MCPH1: variants seen among roughly 807,000 people sequenced by gnomAD.
MCPH1 encodes microcephalin 1.
Under a neutral mutation model 84.5 loss-of-function variants are expected in MCPH1, and 104 were observed. The observed-to-expected ratio is 1.23, with a 90% CI of 1.05 to 1.45. The LOEUF (loss-of-function observed/expected upper bound fraction) is 1.45. MCPH1 is among the 40% of genes most tolerant of loss of function. The pLI, the probability that MCPH1 is intolerant of heterozygous loss-of-function variation, is 0.00. For missense variants in MCPH1, 1,498 were observed against 1,005.7 expected, an observed-to-expected ratio of 1.49 and a Z score of -6.62; for synonymous variants, 514 against 366.8, an observed-to-expected ratio of 1.40 and a Z score of -4.58.
At chr8:6,448,539 G>C (rs1387103079) in intron 8 of MCPH1, among the ~76,000 whole-genome samples, 1 of 152,166 alleles carries the variant, frequency 6.6e-6, no homozygotes, top group East Asian at 1.9e-4. Context: ...ATGTAACCAT[G>C]GTCACTGAAG....
At position 6,445,744 on chromosome 8, in the gene MCPH1, C is replaced by G. The variant is rs187245785; in HGVS notation, c.1825+197C>G. On this transcript the variant is annotated intron_variant, in intron 8 of 13. Transcript: ENST00000344683. ...CTTGCTGTCTTGTGGAACTTCTAGA[C>G]TTATTGGTTAAGTCTGTTAGGAATC... 1.1e-5 allele frequency: 15 copies of G among 1,381,580 alleles called. No individual in the cohort carries two copies. The African/African-American group carries it at 1.6e-4, about 15-fold the overall frequency. The allele number at this position is 1,381,580 out of a possible 1,614,324, so 85.6% of individuals were successfully genotyped here. A position where few individuals can be genotyped will look rare whatever the true frequency, so the allele number is the denominator to read the frequency against.
chr8:6,428,735 A>G (rs988662354), intron 3 of MCPH1, among the ~76,000 whole-genome samples: 1 of 147,406 alleles, frequency 6.8e-6, no homozygotes, highest in African/African-American at 2.6e-5. Flanking sequence ...TTGTATGGAC[A>G]CGTGCGCACG....
At position 6,647,510 on chromosome 8, in the gene MCPH1, A is replaced by T. The variant is rs1267585578; in HGVS notation, c.*4461A>T. Reference sequence around the variant, plus strand: ...AGCAACATTATTCATAATAACCAAAAATTAGCCCATCAACTGAAAAGTAGA... The same window carrying T: ...AGCAACATTATTCATAATAACCAAATATTAGCCCATCAACTGAAAAGTAGA... On this transcript the variant is annotated 3_prime_UTR_variant, in exon 14 of 14. Coordinates refer to ENST00000344683, the MANE Select transcript of MCPH1 (RefSeq NM_024596.5). The T allele has an allele frequency of 6.6e-6, 1 of 152,212 alleles. No individual in the cohort carries two copies. Among genetic ancestry groups the T allele is most frequent in the East Asian group, 1.9e-4 (1 of 5,202 alleles). 9.4% of individuals were successfully genotyped at this position (152,212 alleles called of 1,614,324 possible). A position where few individuals can be genotyped will look rare whatever the true frequency, so the allele number is the denominator to read the frequency against.
chr8:6,549,280 A>G (rs1006991274), intron 12 of MCPH1, among the ~76,000 whole-genome samples: 2 of 152,270 alleles, frequency 1.3e-5, no homozygotes, highest in Non-Finnish European at 2.9e-5. Context: ...ACGGTGATGG[A>G]AAAGAAGAAA....
At chr8:6,576,728 A>T (rs1451337001) in intron 12 of MCPH1, among the ~76,000 whole-genome samples, 83 of 46,518 alleles carry the variant, frequency 1.8e-3, no homozygotes, top group Admixed American at 2.2e-3. Context: ...TTTTTTTTTT[A>T]GTAGAGATGG....
chr8:6,407,174 G>A (rs1045966435), intron 1 of MCPH1: 1 of 215,576 alleles, frequency 4.6e-6, no homozygotes, highest in Non-Finnish European at 9.4e-6. Context: ...GCCCTCCTGG[G>A]TCTGGTCCTG....
At chr8:6,544,103 A>C (rs1259222155) in intron 12 of MCPH1, among the ~76,000 whole-genome samples, 1 of 152,252 alleles carries the variant, frequency 6.6e-6, no homozygotes, top group South Asian at 2.1e-4. Flanking sequence ...GAATAGTATA[A>C]CTTTTTGTTT....
chr8:6,619,633 G>A (rs894264283), intron 12 of MCPH1, among the ~76,000 whole-genome samples: 9 of 151,704 alleles, frequency 5.9e-5, no homozygotes, highest in African/African-American at 2.2e-4. Context: ...TGCCCAGGCT[G>A]GAGTGCAGTG....
chr8:6,570,803 G>GTTTTTTTTT (rs10548398), intron 12 of MCPH1, among the ~76,000 whole-genome samples: 2 of 108,714 alleles, frequency 1.8e-5, no homozygotes, highest in Non-Finnish European at 3.9e-5. Context: ...ATGGATTGTT[G>GTTTTTTTTT]TTTTTTTTTT....
chr8:6,513,804 T>C, intron 12 of MCPH1: 2 of 1,613,864 alleles, frequency 1.2e-6, no homozygotes, highest in African/African-American at 2.7e-5. Context: ...CGAAACAAAC[T>C]CATTTCCCAG....
chr8:6,476,352 C>G (rs1808450450), intron 9 of MCPH1, among the ~76,000 whole-genome samples: 1 of 150,324 alleles, frequency 6.7e-6, no homozygotes, highest in African/African-American at 2.5e-5. Context: ...TTGCTTGAAC[C>G]CGGGAGATGG....
chr8:6,637,701 C>T (rs190818145), intron 13 of MCPH1, among the ~76,000 whole-genome samples: 1 of 152,198 alleles, frequency 6.6e-6, no homozygotes, highest in Non-Finnish European at 1.5e-5. Flanking sequence ...CAATGTTGCC[C>T]AGGCTGGTTT....
chr8:6,438,234 T>C (rs1489390656), intron 5 of MCPH1, among the ~76,000 whole-genome samples: 1 of 152,240 alleles, frequency 6.6e-6, no homozygotes, highest in African/African-American at 2.4e-5. Flanking sequence ...CAAATATGTA[T>C]CGTAATTAAA....
chr8:6,477,552 G>C (rs1586004983), intron 9 of MCPH1, 42 bp from the exon 10 acceptor site: 6 of 1,577,514 alleles, frequency 3.8e-6, no homozygotes, highest in Non-Finnish European at 4.4e-6. Context: ...TATTTTTTAT[G>C]TTTTTGACTG....
At chr8:6,488,164 C>T (rs988926150) in intron 11 of MCPH1, among the ~76,000 whole-genome samples, 3 of 152,350 alleles carry the variant, frequency 2.0e-5, no homozygotes, top group South Asian at 2.1e-4. Flanking sequence ...GGCAGCGTGG[C>T]CTCTGGCCGC....
chr8:6,532,567 C>T (rs1230295940), intron 12 of MCPH1: 10 of 871,084 alleles, frequency 1.1e-5, no homozygotes, highest in African/African-American at 2.1e-5. Context: ...CGTCTCCTCC[C>T]TATCTTTAAA....
chr8:6,572,378 CA>C (rs1826730944), intron 12 of MCPH1, among the ~76,000 whole-genome samples: 1 of 152,144 alleles, frequency 6.6e-6, no homozygotes, highest in African/African-American at 2.4e-5. Flanking sequence ...ATGCAAGTAT[CA>C]AATCCACTTG....
intron 11 of MCPH1, among the ~76,000 whole-genome samples, chr8:6,490,124 C>A (rs1025545997): frequency 2.6e-5 from 4 of 152,098 alleles, no homozygotes; most frequent in Non-Finnish European, 5.9e-5. Context: ...TTGGTCCATG[C>A]TGAACTGCAG....
intron 12 of MCPH1, among the ~76,000 whole-genome samples, chr8:6,544,015 A>G (rs1461504777): frequency 6.6e-6 from 1 of 152,264 alleles, no homozygotes; most frequent in East Asian, 1.9e-4. Flanking sequence ...TCTGATCAGC[A>G]GTAGAATGTT....
Sources: gnomAD v4.1 joint callset for allele counts (sites outside exome capture counted in the v4.1 genomes callset) on GRCh38, gnomAD v4.1.1 for gene constraint, MANE v1.5 for transcripts, NCBI Gene and HGNC (gene_info 2026-07-23, HGNC 2026-07-21) for gene names.